The following MIPEP variants were observed in gnomAD, a reference collection of about 807,000 sequenced individuals.
The protein encoded by MIPEP is mitochondrial intermediate peptidase.
Under a neutral mutation model 90.3 loss-of-function variants are expected in MIPEP, and 79 were observed. The ratio of observed to expected loss-of-function variants is 0.87; its 90% CI spans 0.73 to 1.05. The LOEUF is 1.05. MIPEP is among the 50% of genes least tolerant of loss of function. The pLI is 0.00. For missense variants in MIPEP, 940 were observed against 905.6 expected (o/e 1.04, Z -0.49); for synonymous variants, 334 against 315.8 (o/e 1.06, Z -0.61).
intron 16 of MIPEP, among the ~76,000 whole-genome samples, chr13:23,801,628 A>G (rs1350295293): frequency 6.6e-6 from 1 of 152,130 alleles, no homozygotes; most frequent in Non-Finnish European, 1.5e-5. Context: ...GTCTAATCAC[A>G]TATGTATTTA....
intron 14 of MIPEP, among the ~76,000 whole-genome samples, chr13:23,810,947 C>G (rs1953164559): frequency 6.6e-6 from 1 of 152,162 alleles, no homozygotes; most frequent in South Asian, 2.1e-4. Flanking sequence ...GAGAAGTAAA[C>G]TAGGCAGAAA....
chr13:23,882,170 C>T (rs1225792300), intron 2 of MIPEP, among the ~76,000 whole-genome samples: 9 of 151,446 alleles, frequency 5.9e-5, no homozygotes, highest in Non-Finnish European at 8.8e-5. Flanking sequence ...CTCGGGTTCA[C>T]GCCATTCTCC....
intron 16 of MIPEP, among the ~76,000 whole-genome samples, chr13:23,775,167 A>G: frequency 6.9e-6 from 1 of 144,836 alleles, no homozygotes; most frequent in African/African-American, 2.6e-5. Flanking sequence ...ATTCCTTAGG[A>G]TTTTCTATAT....
chr13:23,816,768 C>T (rs919116447), intron 14 of MIPEP, among the ~76,000 whole-genome samples: 1 of 152,198 alleles, frequency 6.6e-6, no homozygotes, highest in Non-Finnish European at 1.5e-5. Context: ...ACGGAGGAAG[C>T]CTGTCTGCTT....
intron 16 of MIPEP, among the ~76,000 whole-genome samples, chr13:23,788,152 A>AT (rs1201987472): frequency 1.3e-5 from 2 of 152,242 alleles, no homozygotes; most frequent in African/African-American, 4.8e-5. Flanking sequence ...TGTGTGATCA[A>AT]TATTTGCTAA....
At chr13:23,770,772 T>C (rs1170687364) in intron 16 of MIPEP, among the ~76,000 whole-genome samples, 2 of 152,002 alleles carry the variant, frequency 1.3e-5, no homozygotes, top group Non-Finnish European at 2.9e-5. Flanking sequence ...GAAGAGGGGG[T>C]AGAACACACG....
intron 16 of MIPEP, among the ~76,000 whole-genome samples, chr13:23,792,014 C>T (rs551048523): frequency 6.6e-6 from 1 of 152,224 alleles, no homozygotes; most frequent in South Asian, 2.1e-4. Flanking sequence ...GAAACATTTT[C>T]TTCAGTTGGT....
intron 2 of MIPEP, among the ~76,000 whole-genome samples, chr13:23,882,509 C>A (rs959877168): frequency 1.1e-4 from 17 of 152,192 alleles, no homozygotes; most frequent in Non-Finnish European, 1.5e-5. Flanking sequence ...CCATGTAATA[C>A]TGTATACAGC....
At chr13:23,777,618 G>A (rs1952733465) in intron 16 of MIPEP, among the ~76,000 whole-genome samples, 1 of 152,164 alleles carries the variant, frequency 6.6e-6, no homozygotes, top group Admixed American at 6.5e-5. Context: ...ACTATTTTGA[G>A]ATAAGAAGTT....
chr13:23,748,750 G>C (rs1952409182), intron 18 of MIPEP, among the ~76,000 whole-genome samples: 1 of 152,168 alleles, frequency 6.6e-6, no homozygotes, highest in South Asian at 2.1e-4. Flanking sequence ...AACACACCCT[G>C]GGGTGGGCAC....
intron 16 of MIPEP, among the ~76,000 whole-genome samples, chr13:23,784,532 A>G (rs1952816375): frequency 6.6e-6 from 1 of 152,156 alleles, no homozygotes; most frequent in Admixed American, 6.5e-5. Flanking sequence ...AACCATAAAA[A>G]CCCAAGAAGA....
rs778661168 is a variant in MIPEP at position 23,879,326 on chromosome 13, T to G, written c.481A>C (p.Ser161Arg). 1 of 1,598,070 alleles carries G rather than the reference T, an allele frequency of 6.3e-7. No homozygotes were observed. The highest frequency in any genetic ancestry group is 8.6e-7 in the Non-Finnish European group (1 of 1,166,288). Residue 161 changes from serine to arginine, a missense_variant, in exon 4 of 19, where the codon AGT (serine) becomes CGT (arginine). Physicochemically the swap from Ser to Arg is moderately radical, Grantham distance 110 (BLOSUM62 -1). Coordinates refer to ENST00000382172, the MANE Select transcript of MIPEP (RefSeq NM_005932.4). ...TTATCAGCTAGTAATTTTTGCAAAC[T>G]TTGATATAAATCCACATTTGTGTTC... ...KLNTNVDLYQSLQKLLADKKL... is the reference protein window; with the variant it reads ...KLNTNVDLYQRLQKLLADKKL...
intron 16 of MIPEP, among the ~76,000 whole-genome samples, chr13:23,796,798 C>T (rs895374154): frequency 6.6e-6 from 1 of 152,200 alleles, no homozygotes; most frequent in African/African-American, 2.4e-5. Context: ...TGGTTACTTT[C>T]CTTTGCATAC....
intron 16 of MIPEP, among the ~76,000 whole-genome samples, chr13:23,774,698 T>C (rs963462615): frequency 6.6e-6 from 1 of 152,136 alleles, no homozygotes; most frequent in Admixed American, 6.5e-5. Context: ...ATTTAATTTT[T>C]AGGTTGTTTA....
chr13:23,818,494 G>T (rs1304585991), intron 14 of MIPEP, among the ~76,000 whole-genome samples: 4 of 151,754 alleles, frequency 2.6e-5, no homozygotes, highest in Admixed American at 6.6e-5. Flanking sequence ...CAGAGCAAAG[G>T]ACACCTTAAA....
chr13:23,795,978 G>C (rs1952955248), intron 16 of MIPEP, among the ~76,000 whole-genome samples: 1 of 152,038 alleles, frequency 6.6e-6, no homozygotes, highest in African/African-American at 2.4e-5. Flanking sequence ...CTAAGTGATG[G>C]AGCAAGACCC....
chr13:23,828,603 A>G (rs935175174), intron 14 of MIPEP, among the ~76,000 whole-genome samples: 1 of 152,242 alleles, frequency 6.6e-6, no homozygotes, highest in South Asian at 2.1e-4. Context: ...ACGAAGCCCA[A>G]CAAAAGCTGA....
intron 16 of MIPEP, among the ~76,000 whole-genome samples, chr13:23,787,885 G>A (rs1270035514): frequency 1.3e-5 from 2 of 152,150 alleles, no homozygotes; most frequent in East Asian, 3.9e-4. Flanking sequence ...GTTAAGTTTA[G>A]TCCTGATCCT....
intron 14 of MIPEP, among the ~76,000 whole-genome samples, chr13:23,823,243 T>C (rs991974606): frequency 6.6e-6 from 1 of 152,192 alleles, no homozygotes; most frequent in African/African-American, 2.4e-5. Context: ...GTTGCTACTC[T>C]TTTGCCTCTT....
Sources: gnomAD v4.1 joint callset for allele counts (sites outside exome capture counted in the v4.1 genomes callset) on GRCh38, gnomAD v4.1.1 for gene constraint, MANE v1.5 for transcripts, NCBI Gene and HGNC (gene_info 2026-07-23, HGNC 2026-07-21) for gene names.